USP42: variants seen among roughly 807,000 people sequenced by gnomAD.
The protein encoded by USP42 is ubiquitin carboxyl-terminal hydrolase 42.
Under a neutral mutation model 113.0 loss-of-function variants are expected in USP42, and 23 were observed. The observed-to-expected ratio is 0.20, with a 90% CI of 0.15 to 0.29. The LOEUF (loss-of-function observed/expected upper bound fraction) is 0.29, where lower values mean the gene tolerates loss of function less well. Ranked by LOEUF, USP42 falls within the 10% of genes least tolerant of loss-of-function variation. The probability of loss-of-function intolerance (pLI) is 1.00; values close to 1 mark genes in which losing one functional copy is unlikely to be tolerated. For missense variants in USP42, 2,174 were observed against 1,779.8 expected (o/e 1.22, Z -3.99); for synonymous variants, 933 against 699.0 (o/e 1.33, Z -5.28).
chr7:6,109,002 A>G (rs1212238693), intron 1 of USP42, among the ~76,000 whole-genome samples: 3 of 152,230 alleles, frequency 2.0e-5, no homozygotes, highest in African/African-American at 7.2e-5. Context: ...AGAGAACAGC[A>G]AGTAAAACAG....
At chr7:6,132,950 C>T (rs554508487) in intron 3 of USP42, among the ~76,000 whole-genome samples, 4 of 152,334 alleles carry the variant, frequency 2.6e-5, no homozygotes, top group East Asian at 3.9e-4. Flanking sequence ...GGATTACAGG[C>T]GTGAGCCACT....
intron 14 of USP42, 112 bp downstream of exon 14, chr7:6,150,618 T>A (rs2128516838): frequency 1.1e-6 from 1 of 938,220 alleles, no homozygotes; most frequent in Non-Finnish European, 1.7e-6. Context: ...ACATTTTGAA[T>A]CCTAGAATGA....
At chr7:6,120,726 G>A (rs1780179922) in intron 3 of USP42, among the ~76,000 whole-genome samples, 1 of 151,852 alleles carries the variant, frequency 6.6e-6, no homozygotes. Flanking sequence ...TGAGATTACA[G>A]GTGCCCACCA....
At chr7:6,118,121 A>G (rs1780015047) in intron 3 of USP42, among the ~76,000 whole-genome samples, 3 of 151,822 alleles carry the variant, frequency 2.0e-5, no homozygotes. Context: ...TTGGCTGGGT[A>G]TGTGGCTCAT....
the USP42 span, among the ~76,000 whole-genome samples, chr7:6,091,714 C>CACACAT: frequency 1.3e-5 from 2 of 148,692 alleles, no homozygotes; most frequent in Non-Finnish European, 3.0e-5. Context: ...CACACACACA[C>CACACAT]ATATATATGT....
chr7:6,098,363 A>T, the USP42 span, among the ~76,000 whole-genome samples: 3 of 149,532 alleles, frequency 2.0e-5, no homozygotes, highest in Non-Finnish European at 4.5e-5. Context: ...TCACCCCTTG[A>T]TCTAGGCCCC....
rs1444844662 is a variant in USP42, at chr7:6,154,934, CGCA to C, written c.3381_3383del (p.His1128del). The C allele has an allele frequency of 6.4e-7, 1 of 1,551,596 alleles. No individual in the cohort carries two copies. Among genetic ancestry groups the C allele is most frequent in the Admixed American group, 2.0e-5 (1 of 51,066 alleles). On this transcript the variant is annotated inframe_deletion, in exon 15 of 18. Transcript: ENST00000306177. ...GCAGGCGCGCCCCACGCCCTCGCCC[CGCA>C]CCCCGACCGCTTCTCCCACGACAGA...
intron 2 of USP42, among the ~76,000 whole-genome samples, chr7:6,112,764 G>T (rs1779666655): frequency 6.6e-6 from 1 of 152,014 alleles, no homozygotes; most frequent in African/African-American, 2.4e-5. Context: ...TGTCGTTAGT[G>T]TTAGTGTTAG....
intron 15 of USP42, among the ~76,000 whole-genome samples, chr7:6,155,662 G>A (rs1019401051): frequency 1.3e-5 from 2 of 152,286 alleles, no homozygotes. Flanking sequence ...GTGCCTGCCC[G>A]CCTGCCCAGC....
In USP42 at chr7:6,158,683, G is replaced by A. The variant is rs749239250; in HGVS notation, c.3944-767G>A. 4.6e-5 allele frequency among the ~76,000 whole-genome samples: 7 copies of A among 152,222 alleles called. No homozygotes were observed. Among genetic ancestry groups the A allele is most frequent in the East Asian group, 1.9e-4 (1 of 5,190 alleles). ...CGGGTTGCCTGCGGGCCTTGTAGAC[G>A]TTCTGGACATTTCAGAATTGGTTTT... On this transcript the variant is annotated intron_variant, in intron 16 of 17. Transcript: ENST00000306177. The surrounding 1 kb of genome is among the most constrained non-coding windows in gnomAD (Gnocchi z 4.2).
rs964843263 is a variant in USP42, at chr7:6,159,838, G to T, written c.*36+345G>T. Among the ~76,000 whole-genome samples, 5 of 152,248 alleles carry T rather than the reference G, an allele frequency of 3.3e-5. No homozygotes were observed. The highest frequency in any genetic ancestry group is 1.2e-4 in the African/African-American group (5 of 41,468). On this transcript the variant is annotated intron_variant, in intron 17 of 17. Transcript: ENST00000306177. This position sits in a 1 kb window ranked among gnomAD's most constrained non-coding sequence, Gnocchi z 4.1. ...TTGATAAACATCTGGGAAGGGAGAG[G>T]CCCGGTCCCCAGCACAGGCACCTCA...
At chr7:6,134,025 G>A (rs1383932774) in intron 3 of USP42, among the ~76,000 whole-genome samples, 1 of 151,662 alleles carries the variant, frequency 6.6e-6, no homozygotes, top group Non-Finnish European at 1.5e-5. Flanking sequence ...CGAGTAGCTG[G>A]GACTACAGGT....
the USP42 span, among the ~76,000 whole-genome samples, chr7:6,090,586 A>G: frequency 6.8e-6 from 1 of 146,058 alleles, no homozygotes; most frequent in African/African-American, 2.6e-5. Flanking sequence ...ACGGTTGTGC[A>G]TGCCTGTAAT....
At chr7:6,131,104 A>T (rs1341375742) in intron 3 of USP42, among the ~76,000 whole-genome samples, 1 of 152,082 alleles carries the variant, frequency 6.6e-6, no homozygotes, top group Non-Finnish European at 1.5e-5. Context: ...GTGTATAGCA[A>T]AGGCTTGCAC....
chr7:6,149,794 G>T lies in USP42; in HGVS notation c.1598G>T (p.Arg533Leu), dbSNP rs767024148. ...AGTATTCACAACAAGTTGCCTGTTC[G>T]CCAGTGTCAGTCTCAACCTAACCTT... is the stretch of plus-strand genomic sequence containing the variant. ...TISIHNKLPV[R>L]QCQSQPNLHS... The change falls in exon 13 of 18, where the codon CGC becomes CTC. Residue 533 changes from arginine (R) to leucine (L), a missense_variant. Transcript: ENST00000306177. 6.8e-6 allele frequency: 11 copies of T among 1,613,980 alleles called. No homozygotes were observed. The East Asian group carries it at 2.2e-4, about 33-fold the overall frequency.
Position 6,130,087 on chromosome 7 carries a change from G to A in USP42, c.443-5754G>A, listed in dbSNP as rs1283203561. On this transcript the variant is annotated intron_variant, in intron 3 of 17. Transcript: ENST00000306177. Reference sequence around the variant, plus strand: ...TGCAGCTCCCACCTCCTGGGCTCAAGCAGTCCTCTTGCGTCGACCTCCGAA... The same window carrying A: ...TGCAGCTCCCACCTCCTGGGCTCAAACAGTCCTCTTGCGTCGACCTCCGAA... 2.0e-5 allele frequency among the ~76,000 whole-genome samples: 3 copies of A among 152,168 alleles called. No homozygotes were observed. The East Asian group carries it at 5.8e-4, about 29-fold the overall frequency.
At chr7:6,149,551 G>A in intron 12 of USP42, 32 bp from the exon 13 acceptor site, 1 of 1,580,846 alleles carries the variant, frequency 6.3e-7, no homozygotes, top group Admixed American at 1.8e-5. Context: ...TGTTTCTGGA[G>A]CTCTGACCAG....
intron 3 of USP42, chr7:6,116,754 G>A: frequency 1.9e-6 from 1 of 532,772 alleles, no homozygotes; most frequent in Non-Finnish European, 3.8e-6. Flanking sequence ...TGTTATGCCA[G>A]AATTAACGTT....
At chr7:6,091,697 A>ACACACACACT in the USP42 span, among the ~76,000 whole-genome samples, 2 of 150,086 alleles carry the variant, frequency 1.3e-5, no homozygotes, top group African/African-American at 5.0e-5. Flanking sequence ...ACACACACAC[A>ACACACACACT]CACACACACA....
Sources: allele counts gnomAD v4.1 joint callset (sites outside exome capture counted in the v4.1 genomes callset), GRCh38; gene constraint gnomAD v4.1.1; non-coding constraint Gnocchi (gnomAD v3.1); transcripts MANE v1.5; gene names NCBI Gene and HGNC (gene_info 2026-07-23, HGNC 2026-07-21).